Variants in MSRA observed in about 807,000 individuals in gnomAD.
MSRA encodes the protein methionine sulfoxide reductase A, also known as mitochondrial peptide methionine sulfoxide reductase.
MSRA carries 54 observed loss-of-function variants against 31.3 expected under a neutral mutation model. The observed-to-expected ratio is 1.73, with a 90% CI of 1.39 to 2.17. The LOEUF (loss-of-function observed/expected upper bound fraction) is 2.17. Ranked by LOEUF, MSRA falls within the 30% of genes most tolerant of loss-of-function variation. MSRA has a pLI of 0.00. For missense variants in MSRA, 507 were observed against 300.9 expected, an observed-to-expected ratio of 1.69 and a Z score of -5.07; for synonymous variants, 169 against 116.5, an observed-to-expected ratio of 1.45 and a Z score of -2.90.
chr8:10,383,229 G>A (rs1342612768), intron 5 of MSRA, among the ~76,000 whole-genome samples: 2 of 152,172 alleles, frequency 1.3e-5, no homozygotes, highest in Non-Finnish European at 1.5e-5. Flanking sequence ...GCTTCCACAG[G>A]AGCTCCTGTG....
intron 4 of MSRA, among the ~76,000 whole-genome samples, chr8:10,309,722 C>G (rs1801331903): frequency 6.6e-6 from 1 of 152,194 alleles, no homozygotes; most frequent in African/African-American, 2.4e-5. Flanking sequence ...GCTCCTCAGC[C>G]TGTGCTTGGA....
In MSRA at chr8:10,067,361, T is replaced by A. The variant is rs540353779; in HGVS notation, c.142+12703T>A. Among the ~76,000 whole-genome samples, 7 of 152,392 alleles carry A rather than the reference T, an allele frequency of 4.6e-5. No individual in the cohort carries two copies. The East Asian group carries it at 1.3e-3, about 29-fold the overall frequency. ...TTTCCTGGTTGGATAGCCAAATTTC[T>A]TTTTATTATCAATAATATTCCATTG... On this transcript the variant is annotated intron_variant, in intron 1 of 5. Transcript: ENST00000317173.
chr8:10,148,772 A>G (rs1803386446), intron 1 of MSRA, among the ~76,000 whole-genome samples: 1 of 149,484 alleles, frequency 6.7e-6, no homozygotes, highest in Non-Finnish European at 1.5e-5. Flanking sequence ...ACTGCACTCT[A>G]TCCTGGGTGA....
intron 3 of MSRA, among the ~76,000 whole-genome samples, chr8:10,245,629 T>G (rs1245945728): frequency 2.0e-5 from 3 of 152,218 alleles, no homozygotes; most frequent in Non-Finnish European, 4.4e-5. Flanking sequence ...CTCTTTGGCC[T>G]GGCAGTTGGT....
At chr8:10,082,505 G>A (rs950215174) in intron 1 of MSRA, among the ~76,000 whole-genome samples, 1 of 152,150 alleles carries the variant, frequency 6.6e-6, no homozygotes, top group African/African-American at 2.4e-5. Flanking sequence ...AACAGATGGA[G>A]CACTTCTTTT....
chr8:10,244,995 A>G (rs1797539108), intron 2 of MSRA, 109 bp from the exon 3 acceptor site: 3 of 946,418 alleles, frequency 3.2e-6, no homozygotes, highest in Non-Finnish European at 4.5e-6. Context: ...TTATCAAATG[A>G]CAGGAGCAAC....
intron 2 of MSRA, among the ~76,000 whole-genome samples, chr8:10,219,057 A>T (rs1037790075): frequency 2.0e-5 from 3 of 152,156 alleles, no homozygotes; most frequent in Admixed American, 2.0e-4. Context: ...GCTCAGGTTT[A>T]AAAAAGCAAC....
In MSRA at chr8:10,250,546, A is replaced by T. The variant is rs1797861838; in HGVS notation, c.331+5323A>T. 3 of 690,718 alleles carry T rather than the reference A, an allele frequency of 4.3e-6. No homozygotes were observed. The South Asian group carries it at 4.6e-5, about 11-fold the overall frequency. 42.8% of individuals were successfully genotyped at this position (690,718 alleles called of 1,614,324 possible). ...CAACTTTTCCTCGTAAGATTTACAC[A>T]AGCAGCACGGGAAATCTGAGGCCCA... On this transcript the variant is annotated intron_variant, in intron 3 of 5. Coordinates refer to ENST00000317173, the MANE Select transcript of MSRA (RefSeq NM_012331.5).
At chr8:10,339,678 G>A (rs1293217232) in intron 5 of MSRA, among the ~76,000 whole-genome samples, 1 of 151,614 alleles carries the variant, frequency 6.6e-6, no homozygotes, top group African/African-American at 2.4e-5. Flanking sequence ...ACTAGGTGGG[G>A]CTACAGGTGC....
chr8:10,174,406 A>G (rs369930889), intron 1 of MSRA, among the ~76,000 whole-genome samples: 13 of 151,974 alleles, frequency 8.6e-5, no homozygotes, highest in African/African-American at 1.2e-4. Context: ...GAGCAAGTCT[A>G]TGTGTTTGGT....
intron 5 of MSRA, among the ~76,000 whole-genome samples, chr8:10,414,048 T>C (rs1164880900): frequency 6.6e-6 from 1 of 152,150 alleles, no homozygotes; most frequent in Non-Finnish European, 1.5e-5. Context: ...GCTCCTGTAG[T>C]CCCTGCTACT....
At chr8:10,163,174 TC>T (rs1804813050) in intron 1 of MSRA, among the ~76,000 whole-genome samples, 1 of 152,122 alleles carries the variant, frequency 6.6e-6, no homozygotes, top group South Asian at 2.1e-4. Context: ...GGCACCTTGA[TC>T]TTGGACTTCC....
chr8:10,422,183 G>A (rs1444933932), intron 5 of MSRA, among the ~76,000 whole-genome samples: 1 of 152,158 alleles, frequency 6.6e-6, no homozygotes, highest in Non-Finnish European at 1.5e-5. Context: ...TTTCTGGAGG[G>A]GCTGAGGTAC....
intron 5 of MSRA, among the ~76,000 whole-genome samples, chr8:10,331,226 C>T (rs1030907727): frequency 1.3e-5 from 2 of 152,258 alleles, no homozygotes; most frequent in African/African-American, 4.8e-5. Context: ...TATGGCAGCC[C>T]GAGCTGACAA....
Position 10,326,010 on chromosome 8 carries a change from C to G in MSRA, c.543+6021C>G, listed in dbSNP as rs1802343210. Among the ~76,000 whole-genome samples the G allele has an allele frequency of 3.3e-5, 5 of 152,224 alleles. No homozygotes were observed. The South Asian group carries it at 1.0e-3, about 32-fold the overall frequency. On this transcript the variant is annotated intron_variant, in intron 5 of 5. Coordinates refer to ENST00000317173, the MANE Select transcript of MSRA (RefSeq NM_012331.5). ...GGGGAAATTCTGCCCATGACTCATT[C>G]TGTTCATTTTACATACACTGCTTTC...
At chr8:10,407,030 A>C (rs1807860865) in intron 5 of MSRA, among the ~76,000 whole-genome samples, 1 of 152,068 alleles carries the variant, frequency 6.6e-6, no homozygotes, top group African/African-American at 2.4e-5. Context: ...GGTGTGTGTC[A>C]CCACACTTGG....
chr8:10,094,895 G>A (rs1337352667), intron 1 of MSRA, among the ~76,000 whole-genome samples: 2 of 152,140 alleles, frequency 1.3e-5, no homozygotes, highest in Admixed American at 1.3e-4. Context: ...GACCTTAGAT[G>A]TTTTATTTTC....
intron 3 of MSRA, 55 bp downstream of exon 3, chr8:10,245,278 C>A: frequency 1.3e-6 from 2 of 1,543,352 alleles, no homozygotes; most frequent in Non-Finnish European, 8.8e-7. Context: ...GGGCTTGTCA[C>A]TACTGTTGGG....
At chr8:10,163,242 C>G (rs916816514) in intron 1 of MSRA, among the ~76,000 whole-genome samples, 1 of 152,164 alleles carries the variant, frequency 6.6e-6, no homozygotes, top group Non-Finnish European at 1.5e-5. Context: ...CAGTCTGTGG[C>G]AGTTCGTTAT....
Sources: allele counts gnomAD v4.1 joint callset (sites outside exome capture counted in the v4.1 genomes callset), GRCh38; gene constraint gnomAD v4.1.1; transcripts MANE v1.5; gene names NCBI Gene and HGNC (gene_info 2026-07-23, HGNC 2026-07-21).